Variants in TASP1 observed in about 807,000 individuals in gnomAD.
The protein encoded by TASP1 is taspase 1, also known as threonine aspartase 1.
TASP1 carries 16 observed loss-of-function variants against 56.6 expected under a neutral mutation model. The observed-to-expected ratio is 0.28, with a 90% CI of 0.19 to 0.43. The LOEUF is 0.43. Among genes scored for constraint, TASP1 ranks in the 20% least tolerant of loss-of-function variants. The probability of loss-of-function intolerance (pLI) is 1.00; values close to 1 mark genes in which losing one functional copy is unlikely to be tolerated. For synonymous variants in TASP1, 179 were observed against 184.2 expected (o/e 0.97, Z 0.23); for missense variants, 393 against 511.6 (o/e 0.77, Z 2.24).
At chr20:13,439,512 C>G (rs6042101) in intron 11 of TASP1, among the ~76,000 whole-genome samples, 8,863 of 151,554 alleles carry the variant, frequency 0.058, 366 homozygotes, top group African/African-American at 0.12. Context: ...GTTGTGGGGT[C>G]GGGGGAGTGG....
At chr20:13,580,868 G>T (rs996608944) in intron 6 of TASP1, 29 bp downstream of exon 6, 1 of 1,610,624 alleles carries the variant, frequency 6.2e-7, no homozygotes, top group African/African-American at 1.3e-5. Flanking sequence ...ACTAAAGACA[G>T]GGAAAGTCAG....
At chr20:13,295,893 C>T in the TASP1 span, among the ~76,000 whole-genome samples, 2 of 152,210 alleles carry the variant, frequency 1.3e-5, no homozygotes, top group Admixed American at 1.3e-4. Context: ...GTCAGCAAAG[C>T]ATCCACAGCA....
intron 7 of TASP1, among the ~76,000 whole-genome samples, chr20:13,561,646 T>C (rs940193713): frequency 2.6e-5 from 4 of 152,174 alleles, no homozygotes; most frequent in East Asian, 1.9e-4. Flanking sequence ...GAATTACAGG[T>C]ATGAGCCACC....
the TASP1 span, among the ~76,000 whole-genome samples, chr20:13,304,936 G>C: frequency 8.6e-5 from 13 of 152,024 alleles, no homozygotes; most frequent in Non-Finnish European, 1.5e-4. Context: ...CTTGCTCAGC[G>C]CCATCTCTCA....
At chr20:13,141,444 C>T in the TASP1 span, among the ~76,000 whole-genome samples, 2 of 152,190 alleles carry the variant, frequency 1.3e-5, no homozygotes, top group African/African-American at 4.8e-5. Flanking sequence ...CAGTGTCTAC[C>T]TTGGAAGAGT....
At chr20:13,247,517 GGTGTGTGTGT>G in the TASP1 span, among the ~76,000 whole-genome samples, 64 of 139,906 alleles carry the variant, frequency 4.6e-4, no homozygotes, top group Middle Eastern at 3.8e-3. Context: ...CAAAGTGAGG[GGTGTGTGTGT>G]GTGTGTGTGT....
chr20:13,476,605 GC>G (rs1238178575), intron 11 of TASP1, among the ~76,000 whole-genome samples: 2 of 151,932 alleles, frequency 1.3e-5, no homozygotes, highest in African/African-American at 4.8e-5. Context: ...TGATAGCAAG[GC>G]TGTTTTATTT....
intron 11 of TASP1, among the ~76,000 whole-genome samples, chr20:13,465,100 G>A (rs1294351145): frequency 6.7e-6 from 1 of 150,066 alleles, no homozygotes; most frequent in Non-Finnish European, 1.5e-5. Flanking sequence ...AAGCCCAGGA[G>A]GTCAAAGCTG....
In TASP1 at chr20:13,585,120, T is replaced by C. The variant is rs146468894; in HGVS notation, c.403+2130A>G. Among the ~76,000 whole-genome samples, 58 of 152,250 alleles carry C rather than the reference T, an allele frequency of 3.8e-4. No individual in the cohort carries two copies. In the East Asian group the frequency reaches 9.5e-3, roughly 25 times the overall value. On this transcript the variant is annotated intron_variant, in intron 5 of 13. Coordinates refer to ENST00000337743, the MANE Select transcript of TASP1 (RefSeq NM_017714.3). The stretch of plus-strand genomic sequence containing the variant: ...CAATTCTGTGAGGAAAAGACTTCCT[T>C]TCAATAGAGGGCAATGGACCATTTG...
the TASP1 span, among the ~76,000 whole-genome samples, chr20:13,114,021 T>C: frequency 6.6e-6 from 1 of 152,220 alleles, no homozygotes; most frequent in Non-Finnish European, 1.5e-5. Context: ...CCAGGACAGA[T>C]AACCGAGATG....
intron 9 of TASP1, among the ~76,000 whole-genome samples, chr20:13,532,758 T>G (rs993201599): frequency 6.6e-6 from 1 of 152,174 alleles, no homozygotes; most frequent in Non-Finnish European, 1.5e-5. Flanking sequence ...GAGAAAGTCA[T>G]GGGGACTATA....
the TASP1 span, among the ~76,000 whole-genome samples, chr20:13,265,340 A>G: frequency 6.6e-6 from 1 of 152,122 alleles, no homozygotes; most frequent in African/African-American, 2.4e-5. Context: ...CAAAGGAAGG[A>G]GTTTTATAAT....
chr20:13,509,035 C>G (rs1346074250), intron 10 of TASP1, among the ~76,000 whole-genome samples: 1 of 152,058 alleles, frequency 6.6e-6, no homozygotes, highest in African/African-American at 2.4e-5. Context: ...GACAATTGCA[C>G]TCCAATGTTC....
chr20:13,165,038 G>A, the TASP1 span: 1 of 554,380 alleles, frequency 1.8e-6, no homozygotes, highest in South Asian at 2.3e-5. Context: ...AGCTTGGACT[G>A]CAGAGACAAA....
chr20:13,437,863 T>C (rs1297467949), intron 11 of TASP1, among the ~76,000 whole-genome samples: 1 of 152,108 alleles, frequency 6.6e-6, no homozygotes. Context: ...TAAAAGAGGA[T>C]ACAAACAAAT....
Position 13,552,597 on chromosome 20 carries a change from A to G in TASP1, c.675+6411T>C, listed in dbSNP as rs78270371. Among the ~76,000 whole-genome samples the G allele has an allele frequency of 5.1e-3, 772 of 152,290 alleles. 4 individuals carry two copies. The highest frequency in any genetic ancestry group is 0.015 in the African/African-American group (630 of 41,580). ...ATGAAGATGTCCCAGAGGAAGTGAC[A>G]TTGGCAAAAATTTCACACTAAAGGA... On this transcript the variant is annotated intron_variant, in intron 8 of 13. Coordinates refer to ENST00000337743, the MANE Select transcript of TASP1 (RefSeq NM_017714.3).
At chr20:13,232,838 T>A in the TASP1 span, among the ~76,000 whole-genome samples, 647 of 152,342 alleles carry the variant, frequency 4.2e-3, 2 homozygotes, top group African/African-American at 0.015. Flanking sequence ...GTGTATGAAC[T>A]ACAGTATATT....
chr20:13,383,540 A>C, the TASP1 span, among the ~76,000 whole-genome samples: 1 of 152,206 alleles, frequency 6.6e-6, no homozygotes, highest in Non-Finnish European at 1.5e-5. Context: ...AATGTGGCAA[A>C]AGTGATGCTG....
intron 13 of TASP1, among the ~76,000 whole-genome samples, chr20:13,403,083 C>T (rs908475546): frequency 9.9e-5 from 15 of 152,160 alleles, no homozygotes; most frequent in African/African-American, 3.6e-4. Context: ...GCTCCTTTGC[C>T]ACCATTTTGG....
Sources: allele counts gnomAD v4.1 joint callset (sites outside exome capture counted in the v4.1 genomes callset), GRCh38; gene constraint gnomAD v4.1.1; transcripts MANE v1.5; gene names NCBI Gene and HGNC (gene_info 2026-07-23, HGNC 2026-07-21).